PKHD1: variants seen among roughly 807,000 people sequenced by gnomAD.
PKHD1 encodes fibrocystin.
In PKHD1, 291 loss-of-function variants were observed where a neutral mutation model predicts 412.0. The observed-to-expected ratio is 0.71, with a 90% CI of 0.64 to 0.78. The LOEUF (loss-of-function observed/expected upper bound fraction) is 0.78. Among genes scored for constraint, PKHD1 ranks in the 30% least tolerant of loss-of-function variants. The probability of loss-of-function intolerance (pLI) is 0.00; values close to 1 mark genes in which losing one functional copy is unlikely to be tolerated. For synonymous variants in PKHD1, 1,777 were observed against 1,821.5 expected, an observed-to-expected ratio of 0.98 and a Z score of 0.62; for missense variants, 4,825 against 4,950.7, an observed-to-expected ratio of 0.97 and a Z score of 0.76.
intron 35 of PKHD1, among the ~76,000 whole-genome samples, chr6:51,975,155 T>C (rs1052460610): frequency 6.6e-6 from 1 of 152,106 alleles, no homozygotes. Flanking sequence ...ATTTTAAAGA[T>C]AGAACTTAGG....
chr6:51,950,220 A>AAAAAAAAAAAAAAAAAAAATATATATAT, intron 36 of PKHD1, among the ~76,000 whole-genome samples: 1 of 98,328 alleles, frequency 1.0e-5, no homozygotes, highest in African/African-American at 3.8e-5. Context: ...GAAAAAAAAA[A>AAAAAAAAAAAAAAAAAAAATATATATAT]ATATATATAT....
intron 11 of PKHD1, among the ~76,000 whole-genome samples, chr6:52,067,852 A>G (rs1210146670): frequency 1.3e-5 from 2 of 152,130 alleles, no homozygotes; most frequent in Non-Finnish European, 2.9e-5. Context: ...CCATAAGAGG[A>G]TGGTGAATAG....
chr6:51,696,201 GT>G (rs1336819842), intron 60 of PKHD1, among the ~76,000 whole-genome samples: 1 of 152,166 alleles, frequency 6.6e-6, no homozygotes, highest in Non-Finnish European at 1.5e-5. Context: ...TCTTCTCATT[GT>G]TTGCAAACCT....
intron 52 of PKHD1, among the ~76,000 whole-genome samples, chr6:51,809,398 G>A (rs934053060): frequency 2.6e-5 from 4 of 151,842 alleles, no homozygotes; most frequent in South Asian, 2.1e-4. Context: ...ACTCTATTTT[G>A]TCTCATTCAC....
chr6:51,898,692 C>T lies in PKHD1; in HGVS notation c.6996+4905G>A, dbSNP rs534829237. Among the ~76,000 whole-genome samples the T allele has an allele frequency of 8.8e-4, 115 of 131,238 alleles. 1 individual carries two copies. The highest frequency in any genetic ancestry group is 1.5e-3 in the Non-Finnish European group (96 of 63,026). The allele number at this position is 131,238 out of a possible 152,430, so 86.1% of individuals were successfully genotyped here. On this transcript the variant is annotated intron_variant, in intron 43 of 66. Transcript: ENST00000371117. ...AGCAGAACTGAAGGAAATGGAGACA[C>T]AAAAAACCCTTCAAAAAATTAATGA...
At chr6:51,666,074 G>A (rs553724959) in intron 60 of PKHD1, among the ~76,000 whole-genome samples, 1 of 152,266 alleles carries the variant, frequency 6.6e-6, no homozygotes. Context: ...AATGTTTGTG[G>A]ACTGAGAAGA....
At chr6:51,886,524 C>T (rs999592226) in intron 44 of PKHD1, among the ~76,000 whole-genome samples, 1 of 152,112 alleles carries the variant, frequency 6.6e-6, no homozygotes, top group South Asian at 2.1e-4. Flanking sequence ...GGACACTGTG[C>T]TGGGTGAGGT....
intron 52 of PKHD1, among the ~76,000 whole-genome samples, chr6:51,803,512 C>T (rs1228734581): frequency 6.7e-6 from 1 of 150,326 alleles, no homozygotes; most frequent in Non-Finnish European, 1.5e-5. Flanking sequence ...GAGTTAATTC[C>T]TCTTTTTAAT....
At chr6:51,958,454 T>G (rs1220476290) in intron 36 of PKHD1, among the ~76,000 whole-genome samples, 2 of 152,142 alleles carry the variant, frequency 1.3e-5, no homozygotes, top group African/African-American at 2.4e-5. Context: ...TTATCCTGCC[T>G]TTCTCCTACA....
At chr6:51,707,751 A>T (rs1345319425) in intron 60 of PKHD1, among the ~76,000 whole-genome samples, 5 of 152,096 alleles carry the variant, frequency 3.3e-5, no homozygotes, top group Non-Finnish European at 7.4e-5. Context: ...ATATTATCAG[A>T]TCCAATAATT....
intron 5 of PKHD1, 29 bp from the exon 6 acceptor site, chr6:52,076,362 C>A (rs373254508): frequency 6.4e-7 from 1 of 1,565,566 alleles, no homozygotes; most frequent in African/African-American, 1.3e-5. Flanking sequence ...CACAAGTGAG[C>A]ATGTCATTAA....
rs138460981 is a variant in PKHD1 at position 51,684,017 on chromosome 6, G to A, written c.10157-24048C>T. ...GCTCCCATATACTCAACCAGTGCCCGATATACAAACCAAGAGAGAAGAAAC... is the reference window on the plus strand; with the variant it reads ...GCTCCCATATACTCAACCAGTGCCCAATATACAAACCAAGAGAGAAGAAAC... On this transcript the variant is annotated intron_variant, in intron 60 of 66. Coordinates refer to ENST00000371117, the MANE Select transcript of PKHD1 (RefSeq NM_138694.4). 5.5e-4 allele frequency among the ~76,000 whole-genome samples: 83 copies of A among 152,118 alleles called. 1 individual carries two copies. Among genetic ancestry groups the A allele is most frequent in the African/African-American group, 1.9e-3 (80 of 41,516 alleles).
intron 60 of PKHD1, among the ~76,000 whole-genome samples, chr6:51,670,363 C>T (rs1192827177): frequency 5.7e-4 from 87 of 152,034 alleles, no homozygotes; most frequent in African/African-American, 1.7e-3. Context: ...GAGACTAGGA[C>T]TGCAACCCCT....
rs147514021 is a variant in PKHD1 at position 51,638,032 on chromosome 6, T to C, written c.11506+817A>G. 1.6e-3 allele frequency among the ~76,000 whole-genome samples: 249 copies of C among 152,352 alleles called. 1 individual carries two copies. Among genetic ancestry groups the C allele is most frequent in the African/African-American group, 5.7e-3 (238 of 41,582 alleles). ...AGTTTATTAAGTTCTCTCAAACATATATTTGTTTCACTTACTATTTATTAT... is the reference window on the plus strand; with the variant it reads ...AGTTTATTAAGTTCTCTCAAACATACATTTGTTTCACTTACTATTTATTAT... On this transcript the variant is annotated intron_variant, in intron 64 of 66. Transcript: ENST00000371117.
intron 36 of PKHD1, among the ~76,000 whole-genome samples, chr6:51,941,457 T>G (rs1343632159): frequency 6.7e-6 from 1 of 149,772 alleles, no homozygotes; most frequent in East Asian, 1.9e-4. Context: ...GGGTTTCACC[T>G]TGTTAGCCAG....
At chr6:51,786,318 C>T (rs1229465794) in intron 53 of PKHD1, among the ~76,000 whole-genome samples, 3 of 152,262 alleles carry the variant, frequency 2.0e-5, no homozygotes, top group African/African-American at 7.2e-5. Context: ...TACTCTTTAA[C>T]TCCTGTACCT....
At chr6:51,832,987 A>G (rs1350799351) in intron 51 of PKHD1, among the ~76,000 whole-genome samples, 3 of 152,174 alleles carry the variant, frequency 2.0e-5, no homozygotes, top group Non-Finnish European at 2.9e-5. Context: ...ATAAACTCCA[A>G]TACTGTAATA....
At chr6:52,021,211 CTT>C (rs1420680045) in intron 33 of PKHD1, among the ~76,000 whole-genome samples, 3 of 152,168 alleles carry the variant, frequency 2.0e-5, no homozygotes, top group Non-Finnish European at 4.4e-5. Context: ...TAATTTTCCT[CTT>C]TAAAAAATCA....
intron 64 of PKHD1, among the ~76,000 whole-genome samples, chr6:51,637,473 C>T (rs1021105307): frequency 6.6e-6 from 1 of 151,886 alleles, no homozygotes; most frequent in African/African-American, 2.4e-5. Context: ...GAGCACTTGT[C>T]GACAGGTTAT....
Sources: allele counts gnomAD v4.1 joint callset (sites outside exome capture counted in the v4.1 genomes callset), GRCh38; gene constraint gnomAD v4.1.1; transcripts MANE v1.5; gene names NCBI Gene and HGNC (gene_info 2026-07-23, HGNC 2026-07-21).